The following RTP2 variants were observed in gnomAD, a reference collection of about 807,000 sequenced individuals.
RTP2 encodes receptor transporter protein 2.
RTP2 carries 12 observed loss-of-function variants against 17.9 expected under a neutral mutation model. The observed-to-expected ratio is 0.67, with a 90% CI of 0.43 to 1.09. The LOEUF is 1.09. Ranked by LOEUF, RTP2 falls within the 50% of genes least tolerant of loss-of-function variation. The pLI, the probability that RTP2 is intolerant of heterozygous loss-of-function variation, is 0.00. For synonymous variants in RTP2, 126 were observed against 117.7 expected (o/e 1.07, Z -0.46); for missense variants, 327 against 295.7 (o/e 1.11, Z -0.78).
chr3:187,704,309 G>T (rs866989938), upstream of RTP2, among the ~76,000 whole-genome samples: 2 of 152,170 alleles, frequency 1.3e-5, no homozygotes, highest in South Asian at 2.1e-4. Context: ...TTACTTATTA[G>T]AGTAATGTAA....
chr3:187,702,294 A>G lies in RTP2; in HGVS notation c.-166T>C. 8 of 679,944 alleles carry G rather than the reference A, an allele frequency of 1.2e-5. No individual in the cohort carries two copies. Among genetic ancestry groups the G allele is most frequent in the Non-Finnish European group, 2.0e-5 (8 of 401,802 alleles). 42.1% of individuals were successfully genotyped at this position (679,944 alleles called of 1,614,324 possible). On this transcript the variant is annotated 5_prime_UTR_variant, in exon 1 of 2. An upstream start codon of the reference 5' UTR is lost. Transcript: ENST00000358241. Reference sequence around the variant, plus strand: ...CTCTGTTACCCTGGAACCTGTTACCATGGTAGCCAGGCAGGGCACCAAGAG... The same window carrying G: ...CTCTGTTACCCTGGAACCTGTTACCGTGGTAGCCAGGCAGGGCACCAAGAG...
upstream of RTP2, among the ~76,000 whole-genome samples, chr3:187,703,695 C>T (rs957461529): frequency 6.6e-6 from 1 of 152,264 alleles, no homozygotes; most frequent in East Asian, 1.9e-4. Flanking sequence ...CCATGAATGG[C>T]CAGGAACTGA....
At chr3:187,710,825 C>T in the RTP2 span, among the ~76,000 whole-genome samples, 1 of 152,090 alleles carries the variant, frequency 6.6e-6, no homozygotes, top group African/African-American at 2.4e-5. Flanking sequence ...CTGGCGATGT[C>T]AAGGGTCCAC....
chr3:187,703,418 C>T (rs1717906884), upstream of RTP2, among the ~76,000 whole-genome samples: 1 of 152,216 alleles, frequency 6.6e-6, no homozygotes, highest in Admixed American at 6.5e-5. Context: ...AAGTGTTACT[C>T]TAGCGGCTTT....
the RTP2 span, chr3:187,715,472 A>G: frequency 3.1e-6 from 1 of 325,072 alleles, no homozygotes; most frequent in Non-Finnish European, 6.2e-6. Flanking sequence ...GTAACCATTT[A>G]GTGGCAGCAC....
exon 2 of RTP2, chr3:187,698,613 G>A: frequency 6.2e-7 from 1 of 1,614,062 alleles, no homozygotes; most frequent in East Asian, 2.2e-5. Flanking sequence ...TCCCGCCTGG[G>A]CCCTCGGCTT....
the RTP2 span, among the ~76,000 whole-genome samples, chr3:187,710,376 C>CATAT: frequency 0.063 from 8,944 of 142,696 alleles, 299 homozygotes; most frequent in African/African-American, 0.11. Flanking sequence ...CCTAAATATC[C>CATAT]ATATATATAT....
the RTP2 span, among the ~76,000 whole-genome samples, chr3:187,710,563 A>G: frequency 5.3e-5 from 8 of 151,520 alleles, no homozygotes; most frequent in East Asian, 1.9e-4. Context: ...ATGTGTGTGT[A>G]TATGATATAC....
the RTP2 span, among the ~76,000 whole-genome samples, chr3:187,711,046 G>A: frequency 6.6e-6 from 1 of 152,140 alleles, no homozygotes; most frequent in East Asian, 1.9e-4. Flanking sequence ...TGCTCTCACT[G>A]ATCCTAATAT....
the RTP2 span, among the ~76,000 whole-genome samples, chr3:187,708,146 A>G: frequency 8.8e-3 from 1,345 of 152,326 alleles, 15 homozygotes; most frequent in South Asian, 0.041. Flanking sequence ...AGATACATTG[A>G]TGCTTATAAG....
intron 1 of RTP2, among the ~76,000 whole-genome samples, chr3:187,699,826 C>T (rs1487742304): frequency 6.6e-6 from 1 of 151,532 alleles, no homozygotes; most frequent in South Asian, 2.1e-4. Context: ...GGCCACTTGG[C>T]GTAACCTGGG....
the RTP2 span, among the ~76,000 whole-genome samples, chr3:187,712,722 G>A: frequency 1.3e-5 from 2 of 152,178 alleles, no homozygotes; most frequent in Non-Finnish European, 2.9e-5. Flanking sequence ...GGCTGGACCC[G>A]AGGAATTAGA....
At chr3:187,705,071 CG>C (rs1717958049), upstream of RTP2, among the ~76,000 whole-genome samples, 1 of 151,728 alleles carries the variant, frequency 6.6e-6, no homozygotes, top group Non-Finnish European at 1.5e-5. Context: ...TCCTTTTTTC[CG>C]GGTCTTATTA....
chr3:187,700,700 C>G (rs113312055), intron 1 of RTP2, among the ~76,000 whole-genome samples: 13 of 152,292 alleles, frequency 8.5e-5, no homozygotes, highest in African/African-American at 2.9e-4. Context: ...TGGGGGCAGG[C>G]GAGCTTAAGA....
exon 1 of RTP2, chr3:187,702,488 G>A (rs1246113127): frequency 2.1e-6 from 1 of 471,940 alleles, no homozygotes; most frequent in Non-Finnish European, 4.2e-6. Flanking sequence ...ACTATTTGGT[G>A]GCCCTGCTTC....
the RTP2 span, among the ~76,000 whole-genome samples, chr3:187,713,781 G>A: frequency 1.3e-5 from 2 of 152,176 alleles, no homozygotes; most frequent in Admixed American, 6.5e-5. Context: ...AAGCAGGAGG[G>A]GTGGGGGGAG....
At chr3:187,709,873 G>C in the RTP2 span, among the ~76,000 whole-genome samples, 1 of 151,416 alleles carries the variant, frequency 6.6e-6, no homozygotes, top group African/African-American at 2.4e-5. Context: ...GCTTGGATAC[G>C]ATTTCTGGAT....
At chr3:187,703,280 A>G (rs1717901406), upstream of RTP2, among the ~76,000 whole-genome samples, 2 of 152,210 alleles carry the variant, frequency 1.3e-5, no homozygotes, top group Middle Eastern at 3.2e-3. Context: ...GCAGAGTTCC[A>G]ACAGTAAAGA....
the RTP2 span, among the ~76,000 whole-genome samples, chr3:187,707,660 C>A: frequency 6.6e-6 from 1 of 152,132 alleles, no homozygotes; most frequent in Non-Finnish European, 1.5e-5. Flanking sequence ...AACACCCTGG[C>A]AAAGTTGAGA....
Sources: allele counts gnomAD v4.1 joint callset (sites outside exome capture counted in the v4.1 genomes callset), GRCh38; gene constraint gnomAD v4.1.1; transcripts MANE v1.5; gene names NCBI Gene and HGNC (gene_info 2026-07-23, HGNC 2026-07-21).